The following CHRM3 variants were observed in gnomAD, a reference collection of about 807,000 sequenced individuals.
The protein encoded by CHRM3 is cholinergic receptor muscarinic 3, also known as muscarinic acetylcholine receptor M3.
A neutral mutation model predicts 41.8 loss-of-function variants in CHRM3; 11 were observed. The ratio of observed to expected loss-of-function variants is 0.26; its 90% CI spans 0.17 to 0.44. The LOEUF is 0.44. CHRM3 is among the 20% of genes least tolerant of loss of function. The pLI is 1.00. For synonymous variants in CHRM3, 297 were observed against 301.4 expected, an observed-to-expected ratio of 0.99 and a Z score of 0.15; for missense variants, 571 against 745.4, an observed-to-expected ratio of 0.77 and a Z score of 2.72.
intron 6 of CHRM3, among the ~76,000 whole-genome samples, chr1:239,850,722 G>T (rs764566636): frequency 4.6e-5 from 7 of 152,058 alleles, no homozygotes; most frequent in Non-Finnish European, 8.8e-5. Flanking sequence ...GTGAGTTCTC[G>T]TGTGATCTGA....
At chr1:239,415,436 T>C (rs1661420214) in intron 1 of CHRM3, among the ~76,000 whole-genome samples, 2 of 152,278 alleles carry the variant, frequency 1.3e-5, no homozygotes, top group South Asian at 2.1e-4. Context: ...CAAGAATCTG[T>C]CTGAAAATAA....
intron 5 of CHRM3, among the ~76,000 whole-genome samples, chr1:239,808,590 T>G (rs12063454): frequency 2.0e-5 from 3 of 152,022 alleles, no homozygotes; most frequent in Non-Finnish European, 4.4e-5. Flanking sequence ...TAGCGATAGT[T>G]TTTGCCATAT....
intron 4 of CHRM3, among the ~76,000 whole-genome samples, chr1:239,637,895 T>TA (rs1670660378): frequency 7.1e-6 from 1 of 139,924 alleles, no homozygotes; most frequent in South Asian, 2.6e-4. Context: ...GTATATCTCC[T>TA]ATGCTATCCC....
At chr1:239,723,365 A>T (rs1663153501) in intron 5 of CHRM3, among the ~76,000 whole-genome samples, 3 of 151,926 alleles carry the variant, frequency 2.0e-5, no homozygotes. Context: ...ATGTTTTGTC[A>T]ATATTTTTCT....
chr1:239,688,137 T>C lies in CHRM3; in HGVS notation c.-147+9849T>C, dbSNP rs1232950271. Among the ~76,000 whole-genome samples, 4 of 151,452 alleles carry C rather than the reference T, an allele frequency of 2.6e-5. No homozygotes were observed. In the East Asian group the frequency reaches 7.7e-4, roughly 29 times the overall value. ...TTTCTTTTAATATATTGCAAGGTTT[T>C]TCACTGATCTATTTGCAGAAGGAAA... On this transcript the variant is annotated intron_variant, in intron 5 of 6. Coordinates refer to ENST00000676153, the MANE Select transcript of CHRM3 (RefSeq NM_001375978.1).
chr1:239,440,190 T>A (rs1663600613), intron 1 of CHRM3, among the ~76,000 whole-genome samples: 1 of 144,740 alleles, frequency 6.9e-6, no homozygotes, highest in Non-Finnish European at 1.5e-5. Context: ...AGAGTGAGAC[T>A]CTGTCTCAAA....
intron 6 of CHRM3, among the ~76,000 whole-genome samples, chr1:239,865,151 A>T (rs1675983434): frequency 6.6e-6 from 1 of 152,202 alleles, no homozygotes; most frequent in Non-Finnish European, 1.5e-5. Context: ...GAGAAGGAGG[A>T]ATCTCCTTGT....
chr1:239,676,951 C>CT (rs1464305083), intron 4 of CHRM3, among the ~76,000 whole-genome samples: 4 of 152,222 alleles, frequency 2.6e-5, no homozygotes, highest in African/African-American at 9.6e-5. Context: ...TGAGCCCCCA[C>CT]TGGGGCAGCT....
At chr1:239,574,991 C>T (rs775100462) in intron 3 of CHRM3, among the ~76,000 whole-genome samples, 13 of 152,110 alleles carry the variant, frequency 8.5e-5, no homozygotes, top group Non-Finnish European at 1.6e-4. Flanking sequence ...ACAGAATAGA[C>T]GGCACCATTT....
intron 2 of CHRM3, among the ~76,000 whole-genome samples, chr1:239,512,962 C>G (rs1169338782): frequency 6.6e-6 from 1 of 152,150 alleles, no homozygotes; most frequent in Non-Finnish European, 1.5e-5. Flanking sequence ...TAAAGCAAGC[C>G]AGGCATGCAT....
chr1:239,852,759 G>A (rs569244526), intron 6 of CHRM3, among the ~76,000 whole-genome samples: 1 of 152,210 alleles, frequency 6.6e-6, no homozygotes, highest in Non-Finnish European at 1.5e-5. Flanking sequence ...GTAGTTCATG[G>A]CACATGGCAC....
At chr1:239,644,716 A>G (rs577825549) in intron 4 of CHRM3, among the ~76,000 whole-genome samples, 4 of 152,184 alleles carry the variant, frequency 2.6e-5, no homozygotes, top group African/African-American at 4.8e-5. Context: ...TGTGCATACA[A>G]TCACCATTAA....
Position 239,907,544 on chromosome 1 carries a change from G to C in CHRM3, c.93G>C (p.Pro31=). The change falls in exon 7 of 7, where the codon CCG becomes CCC. Residue 31 remains proline (P), a synonymous_variant. Coordinates refer to ENST00000676153, the MANE Select transcript of CHRM3 (RefSeq NM_001375978.1). The surrounding 1 kb of genome is among the most constrained non-coding windows in gnomAD (Gnocchi z 5.4). ...GCCCCTCCGATGCAGGGCTGCCCCCGGGAACCGTCACTCATTTCGGCAGCT... is the reference window on the plus strand; with the variant it reads ...GCCCCTCCGATGCAGGGCTGCCCCCCGGAACCGTCACTCATTTCGGCAGCT... ...IHSPSDAGLP[P]GTVTHFGSYN... 2.5e-6 allele frequency: 4 copies of C among 1,614,088 alleles called. No individual in the cohort carries two copies. Among genetic ancestry groups the C allele is most frequent in the East Asian group, 2.2e-5 (1 of 44,868 alleles).
rs546868080 is a variant in CHRM3 at position 239,799,880 on chromosome 1, C to T, written c.-146-27372C>T. 1.6e-4 allele frequency among the ~76,000 whole-genome samples: 24 copies of T among 152,246 alleles called. No homozygotes were observed. The South Asian group carries it at 2.1e-3, about 13-fold the overall frequency. On this transcript the variant is annotated intron_variant, in intron 5 of 6. Transcript: ENST00000676153. Reference sequence around the variant, plus strand: ...GGGTCAAATGAGAGCACGTTGGAAGCTTAGACTGTAAACAGGTGTCTGCAA... The same window carrying T: ...GGGTCAAATGAGAGCACGTTGGAAGTTTAGACTGTAAACAGGTGTCTGCAA...
Position 239,861,597 on chromosome 1 carries a change from A to G in CHRM3, c.-20+34219A>G, listed in dbSNP as rs570378639. On this transcript the variant is annotated intron_variant, in intron 6 of 6. Transcript: ENST00000676153. ...ACACAGAGCCATGTAATAATTGTCCATGGGACCAAGTTGGGCAAGGTTGGG... is the reference window on the plus strand; with the variant it reads ...ACACAGAGCCATGTAATAATTGTCCGTGGGACCAAGTTGGGCAAGGTTGGG... 2.6e-5 allele frequency among the ~76,000 whole-genome samples: 4 copies of G among 152,254 alleles called. No individual in the cohort carries two copies. The East Asian group carries it at 7.8e-4, about 30-fold the overall frequency.
At chr1:239,512,469 C>G (rs563503283) in intron 2 of CHRM3, among the ~76,000 whole-genome samples, 1 of 152,306 alleles carries the variant, frequency 6.6e-6, no homozygotes, top group East Asian at 1.9e-4. Flanking sequence ...TGACCCCCAT[C>G]TCCTTCTCCT....
chr1:239,694,092 T>C (rs973096120), intron 5 of CHRM3, among the ~76,000 whole-genome samples: 3 of 152,172 alleles, frequency 2.0e-5, no homozygotes, highest in Non-Finnish European at 4.4e-5. Flanking sequence ...GTTAGATATC[T>C]ATGGAGCTTA....
At chr1:239,771,751 A>G (rs1426811181) in intron 5 of CHRM3, among the ~76,000 whole-genome samples, 1 of 152,228 alleles carries the variant, frequency 6.6e-6, no homozygotes, top group Non-Finnish European at 1.5e-5. Flanking sequence ...TACACACACA[A>G]ATGGGTGTGG....
At chr1:239,438,179 T>C (rs1663421474) in intron 1 of CHRM3, among the ~76,000 whole-genome samples, 3 of 152,240 alleles carry the variant, frequency 2.0e-5, no homozygotes, top group Non-Finnish European at 4.4e-5. Flanking sequence ...ATATTTTAAG[T>C]ACATTTACAT....
Sources: allele counts gnomAD v4.1 joint callset (sites outside exome capture counted in the v4.1 genomes callset), GRCh38; gene constraint gnomAD v4.1.1; non-coding constraint Gnocchi (gnomAD v3.1); transcripts MANE v1.5; gene names NCBI Gene and HGNC (gene_info 2026-07-23, HGNC 2026-07-21).